Variants in DEPTOR observed in about 807,000 individuals in gnomAD.
DEPTOR encodes the protein DEP domain-containing mTOR-interacting protein.
A neutral mutation model predicts 41.6 loss-of-function variants in DEPTOR; 41 were observed. That is an observed-to-expected ratio of 0.98 (90% CI 0.77 to 1.28). The LOEUF (loss-of-function observed/expected upper bound fraction) is 1.28. DEPTOR is among the 50% of genes most tolerant of loss of function. The pLI, the probability that DEPTOR is intolerant of heterozygous loss-of-function variation, is 0.00. For missense variants in DEPTOR, 514 were observed against 527.9 expected (o/e 0.97, Z 0.26); for synonymous variants, 195 against 192.3 (o/e 1.01, Z -0.12).
At chr8:119,988,962 T>TTC (rs1356192178) in intron 4 of DEPTOR, among the ~76,000 whole-genome samples, 7 of 140,528 alleles carry the variant, frequency 5.0e-5, no homozygotes, top group Non-Finnish European at 7.7e-5. Context: ...TTTTTTCTTT[T>TTC]TTTTTTTTTT....
chr8:119,967,266 G>A lies in DEPTOR; in HGVS notation c.604+1856G>A, dbSNP rs149286319. Among the ~76,000 whole-genome samples the A allele has an allele frequency of 3.5e-3, 525 of 151,602 alleles. 1 individual carries two copies. Among genetic ancestry groups the A allele is most frequent in the Non-Finnish European group, 5.1e-3 (349 of 67,886 alleles). ...GATAATTTTTGTATTTTTTAGTAGA[G>A]ATGGGGTTTCACCATGTTGGCCAGG... On this transcript the variant is annotated intron_variant, in intron 4 of 8. Transcript: ENST00000286234.
At chr8:119,920,858 C>T (rs1262929620) in intron 1 of DEPTOR, among the ~76,000 whole-genome samples, 1 of 152,098 alleles carries the variant, frequency 6.6e-6, no homozygotes, top group Non-Finnish European at 1.5e-5. Context: ...GCAACTTGTT[C>T]CTCTTGCATC....
chr8:119,980,654 A>G (rs1042784050), intron 4 of DEPTOR, among the ~76,000 whole-genome samples: 1 of 151,498 alleles, frequency 6.6e-6, no homozygotes, highest in Non-Finnish European at 1.5e-5. Context: ...AGCAGCTGGG[A>G]TTACAGGCAT....
At chr8:120,036,084 C>T (rs1207292360) in intron 8 of DEPTOR, among the ~76,000 whole-genome samples, 1 of 152,188 alleles carries the variant, frequency 6.6e-6, no homozygotes, top group African/African-American at 2.4e-5. Flanking sequence ...TTCCCCATAA[C>T]TACCCCTCTT....
chr8:120,046,990 C>T (rs1813162269), intron 8 of DEPTOR, among the ~76,000 whole-genome samples: 1 of 152,152 alleles, frequency 6.6e-6, no homozygotes. Context: ...ATCACAGCTT[C>T]TGATTGTCCC....
At chr8:119,991,088 T>TTCTTTCTTTCTTTCTG (rs1368002570) in intron 4 of DEPTOR, among the ~76,000 whole-genome samples, 1 of 45,830 alleles carries the variant, frequency 2.2e-5, no homozygotes, top group African/African-American at 6.7e-5. Flanking sequence ...CTTTCTTTCT[T>TTCTTTCTTTCTTTCTG]TTTCTTTCTT....
intron 1 of DEPTOR, among the ~76,000 whole-genome samples, chr8:119,921,222 C>T (rs1037094091): frequency 6.6e-6 from 1 of 152,190 alleles, no homozygotes; most frequent in Non-Finnish European, 1.5e-5. Context: ...GGCAATCCAC[C>T]AGCCTCGGCC....
chr8:119,967,753 CAA>C (rs369574750), intron 4 of DEPTOR, among the ~76,000 whole-genome samples: 21 of 85,052 alleles, frequency 2.5e-4, no homozygotes, highest in Non-Finnish European at 2.0e-4. Context: ...GACTTCGTCC[CAA>C]AAAAAAAAAA....
intron 3 of DEPTOR, among the ~76,000 whole-genome samples, chr8:119,951,571 A>G (rs1302721677): frequency 6.6e-6 from 1 of 152,222 alleles, no homozygotes; most frequent in African/African-American, 2.4e-5. Flanking sequence ...TAAAACCAAC[A>G]CTAAAAAGTT....
At chr8:119,894,267 T>A (rs10102102) in intron 1 of DEPTOR, among the ~76,000 whole-genome samples, 14 of 151,920 alleles carry the variant, frequency 9.2e-5, no homozygotes, top group Non-Finnish European at 1.9e-4. Context: ...GGTCTCACTA[T>A]GTTGTCCAGG....
chr8:120,009,404 G>C (rs1382083313), intron 8 of DEPTOR, among the ~76,000 whole-genome samples: 1 of 152,076 alleles, frequency 6.6e-6, no homozygotes, highest in Non-Finnish European at 1.5e-5. Context: ...CTTGAGGTCA[G>C]GAGTTCAAGA....
intron 1 of DEPTOR, among the ~76,000 whole-genome samples, chr8:119,918,572 TGCCTCAGCCTCCC>T (rs1827845945): frequency 6.6e-6 from 1 of 152,148 alleles, no homozygotes; most frequent in African/African-American, 2.4e-5. Flanking sequence ...GTGATTCTCC[TGCCTCAGCCTCCC>T]GAGTAGCTGG....
chr8:119,875,766 T>C (rs1345492525), intron 1 of DEPTOR, among the ~76,000 whole-genome samples: 3 of 152,146 alleles, frequency 2.0e-5, no homozygotes, highest in Non-Finnish European at 4.4e-5. Context: ...GAGGAAGGTA[T>C]TGAGGACAAA....
chr8:119,994,865 C>T (rs9656934), intron 4 of DEPTOR, among the ~76,000 whole-genome samples: 41,478 of 146,652 alleles, frequency 0.28, 6,178 homozygotes, highest in South Asian at 0.46. Flanking sequence ...TGCAGTGAGC[C>T]GAGCTTGCAC....
intron 8 of DEPTOR, among the ~76,000 whole-genome samples, chr8:120,039,307 T>C (rs2130193978): frequency 6.6e-6 from 1 of 152,346 alleles, no homozygotes; most frequent in South Asian, 2.1e-4. Context: ...GAGAAGTAAC[T>C]ATTTATTGTT....
chr8:119,951,615 G>C (rs1235466330), intron 3 of DEPTOR, among the ~76,000 whole-genome samples: 1 of 152,162 alleles, frequency 6.6e-6, no homozygotes, highest in Non-Finnish European at 1.5e-5. Context: ...GAAATAGCAA[G>C]CAAAGAGGAA....
chr8:120,008,211 A>G (rs1812474741), intron 7 of DEPTOR, among the ~76,000 whole-genome samples: 1 of 152,016 alleles, frequency 6.6e-6, no homozygotes, highest in Admixed American at 6.6e-5. Flanking sequence ...AGAAAGGGGC[A>G]TGGTGGAGCC....
chr8:120,024,992 T>A (rs1812777607), intron 8 of DEPTOR, among the ~76,000 whole-genome samples: 1 of 152,174 alleles, frequency 6.6e-6, no homozygotes, highest in African/African-American at 2.4e-5. Flanking sequence ...AAGTATTTAT[T>A]GATTACCTAC....
chr8:120,012,589 T>G (rs1256229550), intron 8 of DEPTOR, among the ~76,000 whole-genome samples: 2 of 152,020 alleles, frequency 1.3e-5, no homozygotes, highest in African/African-American at 4.8e-5. Flanking sequence ...CAGGCTGGAG[T>G]GCAATGGTGC....
Sources: gnomAD v4.1 joint callset for allele counts (sites outside exome capture counted in the v4.1 genomes callset) on GRCh38, gnomAD v4.1.1 for gene constraint, MANE v1.5 for transcripts, NCBI Gene and HGNC (gene_info 2026-07-23, HGNC 2026-07-21) for gene names.